The following RELN variants were observed in gnomAD, a reference collection of about 807,000 sequenced individuals.
RELN encodes reelin.
In RELN, 108 loss-of-function variants were observed where a neutral mutation model predicts 427.6. The observed-to-expected ratio is 0.25, with a 90% CI of 0.22 to 0.30. The LOEUF is 0.30. Among genes scored for constraint, RELN ranks in the 10% least tolerant of loss-of-function variants. RELN has a pLI of 1.00. For missense variants in RELN, 3,715 were observed against 4,302.8 expected (o/e 0.86, Z 3.82); for synonymous variants, 1,524 against 1,513.4 (o/e 1.01, Z -0.16).
Position 103,496,527 on chromosome 7 carries a change from A to G in RELN, c.9192T>C (p.Asp3064=), listed in dbSNP as rs780508746. Residue 3064 remains aspartate (D), a splice_region_variant and synonymous_variant, in exon 56 of 65, where the codon GAT becomes GAC. Coordinates refer to ENST00000428762, the MANE Select transcript of RELN (RefSeq NM_005045.4). ...ATTGTTCAATGTCTTGTTTCTTACCATCATCAAAAGTGTCCACCAATTGGC... is the reference window on the plus strand; with the variant it reads ...ATTGTTCAATGTCTTGTTTCTTACCGTCATCAAAAGTGTCCACCAATTGGC... The part of the protein sequence containing the change: ...NPSQLVDTFD[D]EGTSHEENWS... 2 of 1,614,130 alleles carry G rather than the reference A, an allele frequency of 1.2e-6. No homozygotes were observed. The highest frequency in any genetic ancestry group is 1.7e-5 in the Admixed American group (1 of 60,020).
intron 10 of RELN, among the ~76,000 whole-genome samples, chr7:103,689,526 C>T (rs12538344): frequency 0.21 from 31,171 of 151,680 alleles, 3,861 homozygotes; most frequent in South Asian, 0.36. Context: ...CACACACACA[C>T]CAAGTGTTCA....
At chr7:103,584,428 T>C (rs773241037) in intron 28 of RELN, among the ~76,000 whole-genome samples, 2 of 151,974 alleles carry the variant, frequency 1.3e-5, no homozygotes. Context: ...TCATGTAAGA[T>C]AAAAGACTGT....
rs114819727 is a variant in RELN at position 103,821,869 on chromosome 7, C to T, written c.473+11668G>A. Among the ~76,000 whole-genome samples the T allele has an allele frequency of 6.4e-3, 974 of 152,202 alleles. 16 individuals carry two copies. The highest frequency in any genetic ancestry group is 0.029 in the East Asian group (149 of 5,176). ...TTGAAATATATGTCAGCCTGGAAAA[C>T]GAATATGCTCATGCTATTCATAATC... On this transcript the variant is annotated intron_variant, in intron 3 of 64. Coordinates refer to ENST00000428762, the MANE Select transcript of RELN (RefSeq NM_005045.4).
At chr7:103,507,005 C>T (rs932297728) in intron 51 of RELN, among the ~76,000 whole-genome samples, 5 of 152,176 alleles carry the variant, frequency 3.3e-5, no homozygotes, top group African/African-American at 1.2e-4. Flanking sequence ...TATATATGCA[C>T]CCAATACAGA....
chr7:103,489,203 G>GTGTGTGTGTGTGTGTGTGT (rs1828558083), intron 60 of RELN, among the ~76,000 whole-genome samples: 22 of 147,868 alleles, frequency 1.5e-4, no homozygotes, highest in East Asian at 8.0e-4. Flanking sequence ...GTCATAAAGG[G>GTGTGTGTGTGTGTGTGTGT]GTGTGTGTGT....
At chr7:103,927,972 T>A (rs1206090030) in intron 1 of RELN, among the ~76,000 whole-genome samples, 1 of 151,974 alleles carries the variant, frequency 6.6e-6, no homozygotes, top group African/African-American at 2.4e-5. Flanking sequence ...AAGTAAATCT[T>A]AATCTACCCT....
intron 28 of RELN, among the ~76,000 whole-genome samples, chr7:103,579,599 CAAAA>C (rs34750174): frequency 1.5e-5 from 1 of 64,778 alleles, no homozygotes; most frequent in Non-Finnish European, 3.4e-5. Context: ...ACTCCATCTC[CAAAA>C]AAAAAAAAAA....
intron 62 of RELN, 115 bp downstream of exon 62, chr7:103,483,538 G>A: frequency 9.5e-7 from 1 of 1,056,524 alleles, no homozygotes; most frequent in Admixed American, 1.7e-5. Context: ...CCACCACCTA[G>A]TTTTGTGGCA....
chr7:103,510,625 T>A (rs1199817898), intron 51 of RELN, among the ~76,000 whole-genome samples: 1 of 151,976 alleles, frequency 6.6e-6, no homozygotes, highest in Admixed American at 6.6e-5. Context: ...AAACTTAAAG[T>A]ATAATAAAAA....
chr7:103,989,021 G>A lies in RELN; in HGVS notation c.226+110C>T. ...GACCAAGCGCATCGCTGGGGCCAGG[G>A]TTGTCATGGTTCTTGTTTCCAAGGC... On this transcript the variant is annotated intron_variant, in intron 1 of 64. Coordinates refer to ENST00000428762, the MANE Select transcript of RELN (RefSeq NM_005045.4). The surrounding 1 kb of genome is among the most constrained non-coding windows in gnomAD (Gnocchi z 4.9). The A allele has an allele frequency of 1.0e-6, 1 of 964,688 alleles. No individual in the cohort carries two copies. Among genetic ancestry groups the A allele is most frequent in the Non-Finnish European group, 1.7e-6 (1 of 602,794 alleles). The allele number at this position is 964,688 out of a possible 1,614,324, so 59.8% of individuals were successfully genotyped here.
chr7:103,510,772 T>G, intron 51 of RELN, 79 bp downstream of exon 51: 2 of 1,170,750 alleles, frequency 1.7e-6, no homozygotes, highest in East Asian at 5.0e-5. Context: ...AATGAAATAT[T>G]AGATCATCTT....
chr7:103,545,486 C>A (rs3025933), intron 41 of RELN, 142 bp from the exon 42 acceptor site: 40,538 of 694,502 alleles, frequency 0.058, 1,697 homozygotes, highest in South Asian at 0.14. Context: ...ATTTCAGGAA[C>A]AAAACTCCAT....
At chr7:103,497,664 C>T (rs747824656) in intron 55 of RELN, among the ~76,000 whole-genome samples, 156 bp downstream of exon 55, 9 of 152,138 alleles carry the variant, frequency 5.9e-5, no homozygotes, top group South Asian at 2.1e-4. Flanking sequence ...GTCACTTGTA[C>T]GGAACATGTA....
rs201067853 is a variant in RELN, at chr7:103,875,013, C to T, written c.338-41341G>A. Reference sequence around the variant, plus strand: ...TGGTACTGGTACCAAAACAGAGATACAGATCAATGGAACAGAATAGAGCCC... The same window carrying T: ...TGGTACTGGTACCAAAACAGAGATATAGATCAATGGAACAGAATAGAGCCC... On this transcript the variant is annotated intron_variant, in intron 2 of 64. Coordinates refer to ENST00000428762, the MANE Select transcript of RELN (RefSeq NM_005045.4). Among the ~76,000 whole-genome samples, 17 of 139,772 alleles carry T rather than the reference C, an allele frequency of 1.2e-4. 2 individuals are homozygous for T. The highest frequency in any genetic ancestry group is 1.0e-3 in the East Asian group (4 of 4,000). The allele number at this position is 139,772 out of a possible 152,430, so 91.7% of individuals were successfully genotyped here. A position where few individuals can be genotyped will look rare whatever the true frequency, so the allele number is the denominator to read the frequency against.
intron 1 of RELN, among the ~76,000 whole-genome samples, chr7:103,981,693 T>C (rs1170732819): frequency 6.6e-6 from 1 of 152,188 alleles, no homozygotes; most frequent in Non-Finnish European, 1.5e-5. Context: ...CCTGAAGATA[T>C]AAAGGAGGAC....
intron 2 of RELN, among the ~76,000 whole-genome samples, chr7:103,893,522 T>G (rs144704812): frequency 6.6e-6 from 1 of 152,204 alleles, no homozygotes; most frequent in Non-Finnish European, 1.5e-5. Context: ...TGAGGAGGCT[T>G]ACTAGTCATT....
chr7:103,511,073 T>TAA, intron 50 of RELN, 68 bp from the exon 51 acceptor site: 2 of 1,105,418 alleles, frequency 1.8e-6, no homozygotes, highest in South Asian at 2.6e-5. Context: ...ATTTTCACTT[T>TAA]AAGCAAGACA....
At chr7:103,869,816 T>C (rs370902726) in intron 2 of RELN, among the ~76,000 whole-genome samples, 1 of 152,180 alleles carries the variant, frequency 6.6e-6, no homozygotes, top group Admixed American at 6.6e-5. Context: ...TTTTTAACCA[T>C]TAGTTTTTCA....
At chr7:103,499,367 G>T (rs1251580848) in intron 53 of RELN, among the ~76,000 whole-genome samples, 3 of 152,050 alleles carry the variant, frequency 2.0e-5, no homozygotes, top group Non-Finnish European at 4.4e-5. Context: ...CATAGTCAAG[G>T]TCTTAATTTC....
Sources: gnomAD v4.1 joint callset for allele counts (sites outside exome capture counted in the v4.1 genomes callset) on GRCh38, gnomAD v4.1.1 for gene constraint, Gnocchi (gnomAD v3.1) non-coding constraint, MANE v1.5 for transcripts, NCBI Gene and HGNC (gene_info 2026-07-23, HGNC 2026-07-21) for gene names.